KLHDC4: variants seen among roughly 807,000 people sequenced by gnomAD.
KLHDC4 encodes the protein kelch domain containing 4.
Under a neutral mutation model 62.4 loss-of-function variants are expected in KLHDC4, and 90 were observed. The ratio of observed to expected loss-of-function variants is 1.44; its 90% CI spans 1.22 to 1.72. The LOEUF (loss-of-function observed/expected upper bound fraction) is 1.72, where lower values mean the gene tolerates loss of function less well. Among genes scored for constraint, KLHDC4 ranks in the 40% most tolerant of loss-of-function variants. The pLI, the probability that KLHDC4 is intolerant of heterozygous loss-of-function variation, is 0.00. For synonymous variants in KLHDC4, 386 were observed against 284.4 expected (o/e 1.36, Z -3.59); for missense variants, 1,025 against 699.7 (o/e 1.47, Z -5.25).
At chr16:87,734,067 C>T (rs193294330) in intron 5 of KLHDC4, among the ~76,000 whole-genome samples, 70 of 152,302 alleles carry the variant, frequency 4.6e-4, no homozygotes, top group African/African-American at 1.5e-3. Context: ...ACAAGAGGGC[C>T]GGGCGCGGTG....
chr16:87,718,520 C>T (rs965648297), intron 7 of KLHDC4, among the ~76,000 whole-genome samples: 1 of 150,294 alleles, frequency 6.7e-6, no homozygotes, highest in Non-Finnish European at 1.5e-5. Context: ...CAGGCACGCG[C>T]CGCCACGCCT....
At chr16:87,716,600 G>A (rs1024923932) in intron 7 of KLHDC4, among the ~76,000 whole-genome samples, 1 of 152,080 alleles carries the variant, frequency 6.6e-6, no homozygotes, top group African/African-American at 2.4e-5. Context: ...TCTCAAGGGA[G>A]CCCTGGTTCC....
chr16:87,763,699 T>G (rs2046205602), intron 1 of KLHDC4: 1 of 152,256 alleles, frequency 6.6e-6, no homozygotes, highest in African/African-American at 2.4e-5. Flanking sequence ...AACAAACAGT[T>G]CAAATACTAA....
downstream of KLHDC4, among the ~76,000 whole-genome samples, chr16:87,706,918 C>G (rs146515077): frequency 2.3e-3 from 355 of 152,350 alleles, 2 homozygotes; most frequent in African/African-American, 8.0e-3. Flanking sequence ...GCTTCTAGCC[C>G]TCTCCCAGCG....
chr16:87,765,479 A>C, intron 1 of KLHDC4: 2 of 495,504 alleles, frequency 4.0e-6, no homozygotes, highest in South Asian at 1.7e-5. Flanking sequence ...GCCTCCCTTC[A>C]GAGGGAGGGT....
intron 6 of KLHDC4, among the ~76,000 whole-genome samples, chr16:87,728,163 C>T (rs950009916): frequency 2.6e-5 from 4 of 152,086 alleles, no homozygotes; most frequent in African/African-American, 9.7e-5. Flanking sequence ...CCAGCCTGGG[C>T]GATCGAGTGA....
intron 5 of KLHDC4, 153 bp from the exon 6 acceptor site, chr16:87,730,797 C>G (rs34481270): frequency 0.17 from 108,776 of 633,234 alleles, 9,824 homozygotes; most frequent in South Asian, 0.22. Flanking sequence ...TCTGATCTAT[C>G]AACTACCAAA....
At position 87,724,648 on chromosome 16, in the gene KLHDC4, G is replaced by C. The variant is rs576474989; in HGVS notation, c.759+2117C>G. Among the ~76,000 whole-genome samples, 14 of 152,292 alleles carry C rather than the reference G, an allele frequency of 9.2e-5. No homozygotes were observed. The South Asian group carries it at 1.9e-3, about 20-fold the overall frequency. ...ACCACGAGGTACCACACATCCACCA[G>C]AGCAGCTAAAAACAGAAAGACTGAC... On this transcript the variant is annotated intron_variant, in intron 7 of 11. Transcript: ENST00000270583.
chr16:87,708,470 C>G lies in KLHDC4; in HGVS notation c.1448-4G>C, dbSNP rs2035085110. 3 of 1,596,776 alleles carry G rather than the reference C, an allele frequency of 1.9e-6. No homozygotes were observed. The highest frequency in any genetic ancestry group is 1.3e-5 in the African/African-American group (1 of 74,282). On this transcript the variant is annotated splice_polypyrimidine_tract_variant and splice_region_variant and intron_variant, in intron 10 of 11. Transcript: ENST00000270583. The stretch of plus-strand genomic sequence containing the variant: ...TCCTCCAGCCACTCCTGAGTTTCTT[C>G]AAAAGCAGAATGAACGCACATACAC...
chr16:87,757,632 G>A (rs1243364844), intron 2 of KLHDC4, among the ~76,000 whole-genome samples: 2 of 152,096 alleles, frequency 1.3e-5, no homozygotes, highest in Non-Finnish European at 2.9e-5. Context: ...GCTCACACTT[G>A]TAATCCCAGC....
At position 87,751,983 on chromosome 16, in the gene KLHDC4, G is replaced by A. The variant is rs111344940; in HGVS notation, c.370-3174C>T. 5.0e-3 allele frequency among the ~76,000 whole-genome samples: 747 copies of A among 148,314 alleles called. 7 individuals carry two copies. Among genetic ancestry groups the A allele is most frequent in the African/African-American group, 0.018 (723 of 40,226 alleles). On this transcript the variant is annotated intron_variant, in intron 4 of 11. Transcript: ENST00000270583. ...CCAGCTACTCAGGAAGCTGAGGCAG[G>A]AGAATGGCATGAACCCGGGAGGCAT...
At position 87,736,183 on chromosome 16, in the gene KLHDC4, G is replaced by A. The variant is rs74718648; in HGVS notation, c.507-5539C>T. Among the ~76,000 whole-genome samples, 595 of 152,262 alleles carry A rather than the reference G, an allele frequency of 3.9e-3. 11 individuals carry two copies. The highest frequency in any genetic ancestry group is 0.031 in the East Asian group (161 of 5,184). ...CTGCCACACGCCTGCACTGACGGGA[G>A]AGCCCAATGCTTATAGGCTACAAAC... On this transcript the variant is annotated intron_variant, in intron 5 of 11. Coordinates refer to ENST00000270583, the MANE Select transcript of KLHDC4 (RefSeq NM_017566.4).
At chr16:87,728,896 T>C (rs1250584120) in intron 6 of KLHDC4, among the ~76,000 whole-genome samples, 1 of 152,108 alleles carries the variant, frequency 6.6e-6, no homozygotes. Context: ...TGTATCAGCC[T>C]CCCGAGTGCC....
At chr16:87,708,595 C>T (rs2035120947) in intron 10 of KLHDC4, 129 bp from the exon 11 acceptor site, 2 of 519,228 alleles carry the variant, frequency 3.9e-6, no homozygotes, top group Non-Finnish European at 6.4e-6. Context: ...AAACCTAACT[C>T]CTCTTCCCCG....
At position 87,709,563 on chromosome 16, in the gene KLHDC4, C is replaced by T; in HGVS notation, c.1149G>A (p.Gln383=). ...CGGAGTQGPV[Q]LVKEVVAEDG... ...CCTCGGCCACCACCTCCTTGACCAG[C>T]TGCACAGGCCCCTGGGTGCCAGCTC... The change falls in exon 10 of 12, where the codon CAG becomes CAA. Residue 383 remains glutamine (Q), a synonymous_variant. Coordinates refer to ENST00000270583, the MANE Select transcript of KLHDC4 (RefSeq NM_017566.4). 6.2e-7 allele frequency: 1 copy of T among 1,613,110 alleles called. No individual in the cohort carries two copies. The highest frequency in any genetic ancestry group is 8.5e-7 in the Non-Finnish European group (1 of 1,179,982).
chr16:87,720,939 G>C (rs1046912107), intron 7 of KLHDC4, among the ~76,000 whole-genome samples: 1 of 152,182 alleles, frequency 6.6e-6, no homozygotes, highest in East Asian at 1.9e-4. Context: ...ACCGGGTCAA[G>C]TCCCTCTGCG....
chr16:87,708,418 TC>T lies in KLHDC4; in HGVS notation c.1495del (p.Glu499ArgfsTer77). The T allele has an allele frequency of 6.2e-7, 1 of 1,611,484 alleles. No individual in the cohort carries two copies. Among genetic ancestry groups the T allele is most frequent in the Non-Finnish European group, 8.5e-7 (1 of 1,179,242 alleles). ...EETDSEEDSE[E>X]VEGAEGGVDD... The stretch of plus-strand genomic sequence containing the variant: ...GACCCCACCCTCGGCGCCCTCAACC[TC>T]CTCACTGTCCTCTTCCGAGTCCGTC... On this transcript the variant is annotated frameshift_variant, in exon 11 of 12. Transcript: ENST00000270583. LOFTEE classifies it high-confidence loss of function.
intron 5 of KLHDC4, among the ~76,000 whole-genome samples, chr16:87,744,695 T>C (rs1259341458): frequency 2.6e-5 from 4 of 151,800 alleles, no homozygotes; most frequent in Admixed American, 2.0e-4. Flanking sequence ...CCTATCAAAA[T>C]ATACCATAAA....
chr16:87,765,875 T>G lies in KLHDC4; in HGVS notation c.16A>C (p.Lys6Gln). The change falls in exon 1 of 12, where the codon AAG (lysine) becomes CAG (glutamine). Residue 6 changes from lysine to glutamine, a missense_variant. Physicochemically the swap from Lys to Gln is moderately conservative, Grantham distance 53 (BLOSUM62 1). Coordinates refer to ENST00000270583, the MANE Select transcript of KLHDC4 (RefSeq NM_017566.4). The part of the protein sequence containing the change: MGKKG[K>Q]KEKKGRGAEK... ...GCGCCGCGGCCCTTCTTCTCCTTCT[T>G]GCCCTTCTTGCCCATCTTGCCGGGT... is the stretch of plus-strand genomic sequence containing the variant. The G allele has an allele frequency of 6.4e-7, 1 of 1,550,648 alleles. No homozygotes were observed. The highest frequency in any genetic ancestry group is 1.2e-5 in the South Asian group (1 of 84,060).
Sources: allele counts gnomAD v4.1 joint callset (sites outside exome capture counted in the v4.1 genomes callset), GRCh38; gene constraint gnomAD v4.1.1; transcripts MANE v1.5; gene names NCBI Gene and HGNC (gene_info 2026-07-23, HGNC 2026-07-21).